The following GLT8D1 variants were observed in gnomAD, a reference collection of about 807,000 sequenced individuals.
GLT8D1 encodes the protein glycosyltransferase 8 domain containing 1.
Under a neutral mutation model 46.2 loss-of-function variants are expected in GLT8D1, and 41 were observed. The observed-to-expected ratio is 0.89, with a 90% CI of 0.69 to 1.15. The LOEUF (loss-of-function observed/expected upper bound fraction) is 1.15. Among genes scored for constraint, GLT8D1 ranks in the 50% most tolerant of loss-of-function variants. GLT8D1 has a pLI of 0.00. For missense variants in GLT8D1, 408 were observed against 449.3 expected (o/e 0.91, Z 0.83); for synonymous variants, 150 against 154.2 (o/e 0.97, Z 0.20).
intron 3 of GLT8D1, among the ~76,000 whole-genome samples, chr3:52,698,933 G>A (rs2097336788): frequency 6.6e-6 from 1 of 152,046 alleles, no homozygotes; most frequent in Non-Finnish European, 1.5e-5. Flanking sequence ...TGTGCTACAT[G>A]TAATGTATTT....
rs2097330927 is a variant in GLT8D1 at position 52,694,622 on chromosome 3, A to AG, written c.*222dup. On this transcript the variant is annotated 3_prime_UTR_variant, in exon 10 of 10. Transcript: ENST00000266014. Reference sequence around the variant, plus strand: ...CTTCTTTCCAGTCATTCAGCATTGTAGTAAGAAAACACTTGGTAAGGCAGA... The same window carrying AG: ...CTTCTTTCCAGTCATTCAGCATTGTAGGTAAGAAAACACTTGGTAAGGCAGA... 1.6e-6 allele frequency: 1 copy of AG among 608,714 alleles called. No individual in the cohort carries two copies. Among genetic ancestry groups the AG allele is most frequent in the African/African-American group, 1.8e-5 (1 of 54,174 alleles). The allele number at this position is 608,714 out of a possible 1,614,324, so 37.7% of individuals were successfully genotyped here.
chr3:52,696,976 G>C lies in GLT8D1; in HGVS notation c.330-317C>G, dbSNP rs2097334380. Among the ~76,000 whole-genome samples, 3 of 49,672 alleles carry C rather than the reference G, an allele frequency of 6.0e-5. No individual in the cohort carries two copies. The South Asian group carries it at 1.1e-3, about 18-fold the overall frequency. The allele number at this position is 49,672 out of a possible 152,430, so 32.6% of individuals were successfully genotyped here. ...ACCACTCAAGTCTGAGGCACTACCT[G>C]TAAGAAAAAACTGTTTGCTAAAGGA... On this transcript the variant is annotated intron_variant, in intron 4 of 9. Transcript: ENST00000266014.
Position 52,697,708 on chromosome 3 carries a change from A to G in GLT8D1, c.329+13T>C. 1 of 1,554,820 alleles carries G rather than the reference A, an allele frequency of 6.4e-7. No homozygotes were observed. The highest frequency in any genetic ancestry group is 1.7e-4 in the Middle Eastern group (1 of 5,838). ...TCATCCTCTAGAAGCAGAATCACAT[A>G]AGCAGAGCTCACCGGAGATGGTCTG... is the stretch of plus-strand genomic sequence containing the variant. On this transcript the variant is annotated intron_variant, in intron 4 of 9. Coordinates refer to ENST00000266014, the MANE Select transcript of GLT8D1 (RefSeq NM_018446.4).
chr3:52,695,916 T>A lies in GLT8D1; in HGVS notation c.645+12A>T. The A allele has an allele frequency of 6.9e-7, 1 of 1,457,466 alleles. No homozygotes were observed. The allele number at this position is 1,457,466 out of a possible 1,614,324, so 90.3% of individuals were successfully genotyped here. On this transcript the variant is annotated intron_variant, in intron 7 of 9. Transcript: ENST00000266014. Reference sequence around the variant, plus strand: ...ATATTGTAGGAAGAGGGGTGTTTGGTAAGCAATTTACCTGGTTTCCTGCTC... The same window carrying A: ...ATATTGTAGGAAGAGGGGTGTTTGGAAAGCAATTTACCTGGTTTCCTGCTC...
chr3:52,702,080 GC>G (rs1462885607), intron 1 of GLT8D1, among the ~76,000 whole-genome samples: 3 of 152,058 alleles, frequency 2.0e-5, no homozygotes, highest in Non-Finnish European at 4.4e-5. Context: ...GCCCAGGCTG[GC>G]CTCTAACTCC....
intron 1 of GLT8D1, chr3:52,700,784 T>G (rs2097338691): frequency 4.7e-6 from 1 of 212,828 alleles, no homozygotes; most frequent in Non-Finnish European, 9.4e-6. Context: ...GAATTAAGTT[T>G]CAGCCAGGCA....
In GLT8D1 at chr3:52,694,949, T is replaced by C; in HGVS notation, c.1012A>G (p.Arg338Gly). The C allele has an allele frequency of 6.2e-7, 1 of 1,608,762 alleles. No individual in the cohort carries two copies. Among genetic ancestry groups the C allele is most frequent in the Non-Finnish European group, 8.5e-7 (1 of 1,175,072 alleles). ...CAAACATCAGTATATGAAGCAGTCCTTCCCCATGGCTTCAAATGTCCATTC... is the reference window on the plus strand; with the variant it reads ...CAAACATCAGTATATGAAGCAGTCCCTCCCCATGGCTTCAAATGTCCATTC... ...HWNGHLKPWG[R>G]TASYTDVWEK... Residue 338 changes from arginine (R) to glycine (G), a missense_variant, in exon 10 of 10, where the codon AGG becomes GGG. Physicochemically the swap from Arg to Gly is moderately radical, Grantham distance 125. Transcript: ENST00000266014.
At chr3:52,700,851 C>T (rs769033237) in intron 1 of GLT8D1, among the ~76,000 whole-genome samples, 37 of 152,164 alleles carry the variant, frequency 2.4e-4, no homozygotes, top group Non-Finnish European at 3.5e-4. Context: ...ATCATGAGGT[C>T]AGGAGTTCAA....
At chr3:52,695,146 T>A in intron 9 of GLT8D1, 44 bp downstream of exon 9, 1 of 1,488,956 alleles carries the variant, frequency 6.7e-7, no homozygotes. Context: ...GTTCTTTAGA[T>A]ACCAATTCTT....
intron 1 of GLT8D1, chr3:52,705,212 G>A (rs888454062): frequency 2.2e-4 from 33 of 152,410 alleles, no homozygotes; most frequent in African/African-American, 7.7e-4. Context: ...AAGAGAGGCT[G>A]AGTGAACCTT....
chr3:52,696,409 CAGG>C, intron 5 of GLT8D1, 91 bp from the exon 6 acceptor site: 2 of 1,074,492 alleles, frequency 1.9e-6, no homozygotes, highest in Non-Finnish European at 2.9e-6. Context: ...AGTACCCATT[CAGG>C]AGAAGAAAGG....
rs189853421 is a variant in GLT8D1 at position 52,700,518 on chromosome 3, C to T, written c.-36-22G>A. On this transcript the variant is annotated intron_variant, in intron 1 of 9. Transcript: ENST00000266014. Reference sequence around the variant, plus strand: ...AACCCTACAAAACAAAAACAAGCCCCCAAAGTCAGTAAGCACATGAGAAGG... The same window carrying T: ...AACCCTACAAAACAAAAACAAGCCCTCAAAGTCAGTAAGCACATGAGAAGG... 3.9e-3 allele frequency: 4,821 copies of T among 1,231,494 alleles called. 35 individuals carry two copies. The highest frequency in any genetic ancestry group is 0.015 in the South Asian group (1,196 of 78,714). The allele number at this position is 1,231,494 out of a possible 1,614,324, so 76.3% of individuals were successfully genotyped here. A position where few individuals can be genotyped will look rare whatever the true frequency, so the allele number is the denominator to read the frequency against.
In GLT8D1 at chr3:52,694,670, AGT is replaced by A; in HGVS notation, c.*173_*174del. 1.5e-6 allele frequency: 1 copy of A among 657,276 alleles called. No homozygotes were observed. The highest frequency in any genetic ancestry group is 2.8e-6 in the Non-Finnish European group (1 of 361,928). 40.7% of individuals were successfully genotyped at this position (657,276 alleles called of 1,614,324 possible). ...AGATGGAGACATATTTATAGTCTAT[AGT>A]CTGTCTGGGAAGCTGACTGCCAGAC... On this transcript the variant is annotated 3_prime_UTR_variant, in exon 10 of 10. Coordinates refer to ENST00000266014, the MANE Select transcript of GLT8D1 (RefSeq NM_018446.4).
At chr3:52,702,414 C>T (rs187286738) in intron 1 of GLT8D1, among the ~76,000 whole-genome samples, 3 of 152,188 alleles carry the variant, frequency 2.0e-5, no homozygotes, top group East Asian at 1.9e-4. Context: ...GGCATGGTGA[C>T]GTGCATCTGT....
chr3:52,695,603 G>T lies in GLT8D1; in HGVS notation c.646-16C>A. 2 of 1,477,684 alleles carry T rather than the reference G, an allele frequency of 1.4e-6. No homozygotes were observed. The highest frequency in any genetic ancestry group is 1.1e-5 in the South Asian group (1 of 87,796). 91.5% of individuals were successfully genotyped at this position (1,477,684 alleles called of 1,614,324 possible). A position where few individuals can be genotyped will look rare whatever the true frequency, so the allele number is the denominator to read the frequency against. ...TGTAATTGTACTAAAAACACAAATAGGATATATGTACTTACTGCTTCAAAC... is the reference window on the plus strand; with the variant it reads ...TGTAATTGTACTAAAAACACAAATATGATATATGTACTTACTGCTTCAAAC... On this transcript the variant is annotated splice_polypyrimidine_tract_variant and intron_variant, in intron 7 of 9. Coordinates refer to ENST00000266014, the MANE Select transcript of GLT8D1 (RefSeq NM_018446.4).
intron 1 of GLT8D1, 30 bp from the exon 2 acceptor site, chr3:52,700,526 A>G: frequency 9.0e-7 from 1 of 1,109,534 alleles, no homozygotes; most frequent in Admixed American, 2.0e-5. Context: ...CCCCAAAGTC[A>G]GTAAGCACAT....
chr3:52,701,249 A>T (rs948331016), intron 1 of GLT8D1: 3 of 151,922 alleles, frequency 2.0e-5, no homozygotes, highest in Admixed American at 1.3e-4. Flanking sequence ...TATTATCCAA[A>T]TTCACTTGAC....
rs1384763926 is a variant in GLT8D1 at position 52,700,481 on chromosome 3, ATAT to A, written c.-24_-22del. On this transcript the variant is annotated 5_prime_UTR_variant, in exon 2 of 10. Transcript: ENST00000266014. ...GACATCTTTTTCTTCTGTCATATAA[ATAT>A]TAGTTTTTAACCCTACAAAACAAAA... The A allele has an allele frequency of 1.9e-6, 3 of 1,568,010 alleles. No homozygotes were observed. The African/African-American group carries it at 4.1e-5, about 21-fold the overall frequency.
chr3:52,700,785 C>G (rs894007707), intron 1 of GLT8D1: 2 of 209,892 alleles, frequency 9.5e-6, no homozygotes, highest in African/African-American at 4.6e-5. Context: ...AATTAAGTTT[C>G]AGCCAGGCAG....
Sources: gnomAD v4.1 joint callset for allele counts (sites outside exome capture counted in the v4.1 genomes callset) on GRCh38, gnomAD v4.1.1 for gene constraint, MANE v1.5 for transcripts, NCBI Gene and HGNC (gene_info 2026-07-23, HGNC 2026-07-21) for gene names.